Variants in ZMYM4 observed in about 807,000 individuals in gnomAD.
ZMYM4 encodes zinc finger MYM-type containing 4.
In ZMYM4, 31 loss-of-function variants were observed where a neutral mutation model predicts 183.2. The ratio of observed to expected loss-of-function variants is 0.17; its 90% CI spans 0.13 to 0.23. The LOEUF is 0.23. ZMYM4 is among the 10% of genes least tolerant of loss of function. ZMYM4 has a pLI of 1.00. For missense variants in ZMYM4, 1,273 were observed against 1,840.3 expected, an observed-to-expected ratio of 0.69 and a Z score of 5.64; for synonymous variants, 592 against 631.2, an observed-to-expected ratio of 0.94 and a Z score of 0.93.
chr1:35,301,140 C>T (rs140948986), intron 1 of ZMYM4, among the ~76,000 whole-genome samples: 38 of 152,268 alleles, frequency 2.5e-4, no homozygotes, highest in African/African-American at 6.7e-4. Context: ...ATCTTTGTTA[C>T]GTGGTGGCAC....
intron 5 of ZMYM4, among the ~76,000 whole-genome samples, chr1:35,369,289 A>G (rs190797388): frequency 6.6e-5 from 10 of 152,344 alleles, no homozygotes; most frequent in Admixed American, 4.6e-4. Flanking sequence ...GAAAGGTTGT[A>G]GTAGAACTCA....
At position 35,415,638 on chromosome 1, in the gene ZMYM4, C is replaced by G; in HGVS notation, c.4233C>G (p.Thr1411=). ...KLSFAHVMRR[T]RTLKYSTKMT... ...CCTTTGCCCATGTGATGAGACGGACCAGGACTCTGAAGTACAGTACCAAGA... is the reference window on the plus strand; with the variant it reads ...CCTTTGCCCATGTGATGAGACGGACGAGGACTCTGAAGTACAGTACCAAGA... Residue 1411 remains threonine (T), a synonymous_variant, in exon 28 of 30, where the codon ACC becomes ACG. Transcript: ENST00000314607. The G allele has an allele frequency of 1.9e-6, 3 of 1,614,082 alleles. No homozygotes were observed. Among genetic ancestry groups the G allele is most frequent in the South Asian group, 2.2e-5 (2 of 91,074 alleles).
At chr1:35,341,388 G>A (rs1000399961) in intron 2 of ZMYM4, among the ~76,000 whole-genome samples, 5 of 151,934 alleles carry the variant, frequency 3.3e-5, no homozygotes, top group African/African-American at 9.7e-5. Context: ...AGAACAATAA[G>A]CCCAAATCTT....
At position 35,369,998 on chromosome 1, in the gene ZMYM4, A is replaced by G. The variant is rs116539942; in HGVS notation, c.841-31A>G. ...TCTTTAGGTATTTATTCTTTTCTCTATGTATTTATTTATTTTTTTCTTCTT... is the reference window on the plus strand; with the variant it reads ...TCTTTAGGTATTTATTCTTTTCTCTGTGTATTTATTTATTTTTTTCTTCTT... On this transcript the variant is annotated intron_variant, in intron 5 of 29. Coordinates refer to ENST00000314607, the MANE Select transcript of ZMYM4 (RefSeq NM_005095.3). 3,806 of 1,493,084 alleles carry G rather than the reference A, an allele frequency of 2.5e-3. 89 individuals carry two copies. The African/African-American group carries it at 0.048, about 19-fold the overall frequency. The allele number at this position is 1,493,084 out of a possible 1,614,324, so 92.5% of individuals were successfully genotyped here.
At chr1:35,297,126 A>G (rs1442119823) in intron 1 of ZMYM4, among the ~76,000 whole-genome samples, 2 of 151,182 alleles carry the variant, frequency 1.3e-5, no homozygotes, top group African/African-American at 4.9e-5. Context: ...CTGGGATTAC[A>G]AGCGTGAGGC....
intron 20 of ZMYM4, 119 bp downstream of exon 20, chr1:35,397,664 C>A: frequency 2.4e-6 from 2 of 828,284 alleles, no homozygotes; most frequent in Non-Finnish European, 3.4e-6. Context: ...CTGTGAATAC[C>A]AAGCCTGTGG....
chr1:35,332,584 T>G (rs991942697), intron 2 of ZMYM4, among the ~76,000 whole-genome samples: 1 of 152,186 alleles, frequency 6.6e-6, no homozygotes, highest in African/African-American at 2.4e-5. Context: ...GTACGTAGTC[T>G]GTTACCTTGC....
At chr1:35,412,965 A>G (rs1194713874) in intron 26 of ZMYM4, among the ~76,000 whole-genome samples, 1 of 152,100 alleles carries the variant, frequency 6.6e-6, no homozygotes, top group Non-Finnish European at 1.5e-5. Context: ...TACTTTTATC[A>G]CGTAATTACA....
At chr1:35,387,326 A>C (rs773392866) in intron 12 of ZMYM4, 48 bp downstream of exon 12, 2 of 1,589,320 alleles carry the variant, frequency 1.3e-6, no homozygotes, top group African/African-American at 1.4e-5. Context: ...ACGTGGGTCT[A>C]TTTGTAAAAT....
intron 2 of ZMYM4, among the ~76,000 whole-genome samples, chr1:35,325,680 T>C (rs527334055): frequency 1.4e-4 from 21 of 152,262 alleles, no homozygotes; most frequent in Admixed American, 1.4e-3. Context: ...TACTTACCAC[T>C]ATTAAGGGTT....
chr1:35,327,547 T>C (rs1467498133), intron 2 of ZMYM4, among the ~76,000 whole-genome samples: 1 of 152,226 alleles, frequency 6.6e-6, no homozygotes, highest in Non-Finnish European at 1.5e-5. Flanking sequence ...ATTTTTAGAC[T>C]ACCGTCTGAC....
At chr1:35,304,883 G>A (rs1192989275) in intron 1 of ZMYM4, among the ~76,000 whole-genome samples, 1 of 151,288 alleles carries the variant, frequency 6.6e-6, no homozygotes, top group Non-Finnish European at 1.5e-5. Flanking sequence ...GTCTTGCTCT[G>A]TCCCCAGGCT....
intron 2 of ZMYM4, among the ~76,000 whole-genome samples, chr1:35,337,677 G>A (rs964648344): frequency 5.3e-5 from 8 of 152,168 alleles, no homozygotes; most frequent in Admixed American, 1.3e-4. Context: ...GGGTGTGGTG[G>A]CTCACACCTG....
Position 35,421,834 on chromosome 1 carries a change from C to T in ZMYM4, c.*2157C>T, listed in dbSNP as rs529896446. 10 of 152,104 alleles carry T rather than the reference C, an allele frequency of 6.6e-5. No homozygotes were observed. The highest frequency in any genetic ancestry group is 1.2e-4 in the Non-Finnish European group (8 of 67,986). 9.4% of individuals were successfully genotyped at this position (152,104 alleles called of 1,614,324 possible). A position where few individuals can be genotyped will look rare whatever the true frequency, so the allele number is the denominator to read the frequency against. The stretch of plus-strand genomic sequence containing the variant: ...GGGAGAAAAAAACATCAAACAAAAA[C>T]ATCTAAATCATCCTTTTTGTTCTTT... On this transcript the variant is annotated 3_prime_UTR_variant, in exon 30 of 30. Coordinates refer to ENST00000314607, the MANE Select transcript of ZMYM4 (RefSeq NM_005095.3).
intron 23 of ZMYM4, among the ~76,000 whole-genome samples, chr1:35,401,007 G>GT (rs1414812698): frequency 6.6e-6 from 1 of 152,186 alleles, no homozygotes. Context: ...TTGTTCAGCT[G>GT]TTTAACAGGT....
chr1:35,301,450 A>G (rs686779), intron 1 of ZMYM4, among the ~76,000 whole-genome samples: 151,319 of 152,050 alleles, frequency 1, 75,300 homozygotes, highest in East Asian at 1. Flanking sequence ...GGAGACTGAG[A>G]CAGGAGGATC....
intron 7 of ZMYM4, among the ~76,000 whole-genome samples, chr1:35,377,139 T>C (rs1570473594): frequency 6.6e-6 from 1 of 152,112 alleles, no homozygotes; most frequent in African/African-American, 2.4e-5. Flanking sequence ...ACTCCTGACC[T>C]CAAGTGATCT....
chr1:35,288,421 C>A (rs1640609325), intron 1 of ZMYM4, among the ~76,000 whole-genome samples: 1 of 152,200 alleles, frequency 6.6e-6, no homozygotes, highest in African/African-American at 2.4e-5. Context: ...TGCCTTACAG[C>A]TCTGACTCCT....
intron 13 of ZMYM4, 79 bp from the exon 14 acceptor site, chr1:35,388,831 G>C: frequency 7.4e-7 from 1 of 1,347,456 alleles, no homozygotes; most frequent in South Asian, 1.2e-5. Flanking sequence ...CCACTGCACC[G>C]GGCCTGTCCT....
Sources: allele counts gnomAD v4.1 joint callset (sites outside exome capture counted in the v4.1 genomes callset), GRCh38; gene constraint gnomAD v4.1.1; transcripts MANE v1.5; gene names NCBI Gene and HGNC (gene_info 2026-07-23, HGNC 2026-07-21).